CHST11: variants seen among roughly 807,000 people sequenced by gnomAD.
The protein encoded by CHST11 is carbohydrate sulfotransferase 11.
CHST11 carries 9 observed loss-of-function variants against 30.4 expected under a neutral mutation model. The observed-to-expected ratio is 0.30, with a 90% CI of 0.18 to 0.52. The LOEUF (loss-of-function observed/expected upper bound fraction) is 0.52, where lower values mean the gene tolerates loss of function less well. Ranked by LOEUF, CHST11 falls within the 20% of genes least tolerant of loss-of-function variation. The pLI is 0.97. For synonymous variants in CHST11, 152 were observed against 187.8 expected (o/e 0.81, Z 1.56); for missense variants, 348 against 460.6 (o/e 0.76, Z 2.24).
At position 104,673,505 on chromosome 12, in the gene CHST11, C is replaced by CT. The variant is rs745662063; in HGVS notation, c.204+71515dup. Among the ~76,000 whole-genome samples, 4 of 152,292 alleles carry CT rather than the reference C, an allele frequency of 2.6e-5. No homozygotes were observed. The South Asian group carries it at 6.2e-4, about 24-fold the overall frequency. ...TGTAAAATGGGAATGATAATAGTAC[C>CT]TACCCATAGGTTTGTTATGAGCATT... On this transcript the variant is annotated intron_variant, in intron 2 of 2. Transcript: ENST00000303694.
chr12:104,679,823 C>A (rs944481592), intron 2 of CHST11, among the ~76,000 whole-genome samples: 3 of 152,214 alleles, frequency 2.0e-5, no homozygotes, highest in African/African-American at 7.2e-5. Flanking sequence ...CTGCCAGAAT[C>A]ATGGCAGGCT....
chr12:104,746,141 C>T (rs1370179112), intron 2 of CHST11, among the ~76,000 whole-genome samples: 1 of 152,186 alleles, frequency 6.6e-6, no homozygotes, highest in African/African-American at 2.4e-5. Context: ...TCCCTAATGA[C>T]GGTATCAGTG....
rs183067683 is a variant in CHST11 at position 104,538,232 on chromosome 12, G to T, written c.119-63674G>T. Among the ~76,000 whole-genome samples, 146 of 152,180 alleles carry T rather than the reference G, an allele frequency of 9.6e-4. 1 individual carries two copies. Among genetic ancestry groups the T allele is most frequent in the African/African-American group, 3.4e-3 (141 of 41,520 alleles). ...TTTCGGTGATCTTGCCCATTTTGAG[G>T]CATGTTGGTCAAGTGTTTTGTAGGA... On this transcript the variant is annotated intron_variant, in intron 1 of 2. Coordinates refer to ENST00000303694, the MANE Select transcript of CHST11 (RefSeq NM_018413.6).
At chr12:104,488,719 G>A (rs374440581) in intron 1 of CHST11, among the ~76,000 whole-genome samples, 165 of 142,630 alleles carry the variant, frequency 1.2e-3, no homozygotes, top group African/African-American at 3.8e-3. Flanking sequence ...GTATGTGTGC[G>A]TGTATGTGTG....
chr12:104,551,785 G>C lies in CHST11; in HGVS notation c.119-50121G>C, dbSNP rs190329382. On this transcript the variant is annotated intron_variant, in intron 1 of 2. Coordinates refer to ENST00000303694, the MANE Select transcript of CHST11 (RefSeq NM_018413.6). ...TGAGGCCGTACGGAAGTGGTGCGAG[G>C]TGGAAGGAGACCGAGGTTGGGCGAC... is the stretch of plus-strand genomic sequence containing the variant. Among the ~76,000 whole-genome samples the C allele has an allele frequency of 4.6e-5, 7 of 152,274 alleles. No homozygotes were observed. In the East Asian group the frequency reaches 1.4e-3, roughly 29 times the overall value.
At chr12:104,735,607 C>G (rs972333675) in intron 2 of CHST11, among the ~76,000 whole-genome samples, 1 of 152,086 alleles carries the variant, frequency 6.6e-6, no homozygotes, top group Admixed American at 6.5e-5. Flanking sequence ...GTGAGCAAAT[C>G]CAGAGAGACT....
intron 1 of CHST11, among the ~76,000 whole-genome samples, chr12:104,594,872 G>A (rs1529424): frequency 0.28 from 43,028 of 152,150 alleles, 6,240 homozygotes; most frequent in African/African-American, 0.34. Context: ...TGGGAGGATC[G>A]GTTGAGCCTG....
chr12:104,639,282 ATACTT>A (rs375143338), intron 2 of CHST11, among the ~76,000 whole-genome samples: 117 of 152,350 alleles, frequency 7.7e-4, no homozygotes, highest in African/African-American at 2.6e-3. Flanking sequence ...AGATGGCAAA[ATACTT>A]TAACACCACT....
At chr12:104,482,988 C>T (rs943611452) in intron 1 of CHST11, among the ~76,000 whole-genome samples, 1 of 152,136 alleles carries the variant, frequency 6.6e-6, no homozygotes, top group African/African-American at 2.4e-5. Context: ...TGATTCGGGT[C>T]ACCACAGATT....
intron 1 of CHST11, among the ~76,000 whole-genome samples, chr12:104,468,954 TTAAAA>T (rs1467682192): frequency 6.6e-6 from 1 of 152,176 alleles, no homozygotes. Flanking sequence ...ATCCTGGAAC[TTAAAA>T]TTAAATAAAA....
intron 2 of CHST11, among the ~76,000 whole-genome samples, chr12:104,725,071 C>T (rs1210531622): frequency 6.6e-6 from 1 of 152,122 alleles, no homozygotes; most frequent in Admixed American, 6.5e-5. Context: ...ATGGACTCTT[C>T]TAAGCCCAGC....
intron 1 of CHST11, among the ~76,000 whole-genome samples, chr12:104,457,792 T>G (rs12320316): frequency 0.098 from 12,176 of 124,596 alleles, 1,063 homozygotes; most frequent in African/African-American, 0.28. Flanking sequence ...GTAGTTTTTT[T>G]TTTTTTTTTT....
chr12:104,688,376 G>A (rs1453457425), intron 2 of CHST11, among the ~76,000 whole-genome samples: 4 of 152,132 alleles, frequency 2.6e-5, no homozygotes, highest in South Asian at 4.2e-4. Flanking sequence ...TGGGAAGACC[G>A]AGGCAAGGAG....
intron 2 of CHST11, among the ~76,000 whole-genome samples, chr12:104,695,158 G>T (rs991653483): frequency 2.0e-5 from 3 of 152,172 alleles, no homozygotes; most frequent in African/African-American, 7.2e-5. Flanking sequence ...AGCCTCAGCT[G>T]TCCCATCTGT....
intron 2 of CHST11, among the ~76,000 whole-genome samples, chr12:104,747,623 AGAT>A (rs1417700611): frequency 1.3e-5 from 2 of 152,202 alleles, no homozygotes; most frequent in Non-Finnish European, 2.9e-5. Context: ...TGAAACAGAA[AGAT>A]GATGGCAGCA....
At chr12:104,650,520 G>C (rs1399400814) in intron 2 of CHST11, among the ~76,000 whole-genome samples, 1 of 152,138 alleles carries the variant, frequency 6.6e-6, no homozygotes, top group African/African-American at 2.4e-5. Flanking sequence ...TATGAGAGGA[G>C]TCTCTAGAAG....
intron 2 of CHST11, among the ~76,000 whole-genome samples, chr12:104,722,869 C>T (rs953970756): frequency 3.9e-5 from 6 of 152,128 alleles, no homozygotes; most frequent in Non-Finnish European, 7.3e-5. Flanking sequence ...CTTTCCAGAA[C>T]GCTCATAAGT....
chr12:104,561,106 A>G (rs6419388), intron 1 of CHST11, among the ~76,000 whole-genome samples: 56,305 of 151,796 alleles, frequency 0.37, 11,202 homozygotes, highest in East Asian at 0.79. Flanking sequence ...CTCATGTGCT[A>G]TTTGTGAGTG....
intron 2 of CHST11, among the ~76,000 whole-genome samples, chr12:104,719,369 T>C (rs188260031): frequency 2.0e-4 from 31 of 152,270 alleles, no homozygotes; most frequent in Non-Finnish European, 3.7e-4. Flanking sequence ...TTCCCATCAA[T>C]TGGATTTCTA....
Sources: gnomAD v4.1 joint callset for allele counts (sites outside exome capture counted in the v4.1 genomes callset) on GRCh38, gnomAD v4.1.1 for gene constraint, MANE v1.5 for transcripts, NCBI Gene and HGNC (gene_info 2026-07-23, HGNC 2026-07-21) for gene names.